The following ALG13 variants were observed in gnomAD, a reference collection of about 807,000 sequenced individuals.
The protein encoded by ALG13 is UDP-N-acetylglucosamine transferase subunit ALG13.
Under a neutral mutation model 87.8 loss-of-function variants are expected in ALG13, and 11 were observed. That is an observed-to-expected ratio of 0.13 (90% CI 0.08 to 0.21). The LOEUF (loss-of-function observed/expected upper bound fraction) is 0.21. Ranked by LOEUF, ALG13 falls within the 10% of genes least tolerant of loss-of-function variation. The pLI, the probability that ALG13 is intolerant of heterozygous loss-of-function variation, is 1.00. For missense variants in ALG13, 756 were observed against 866.1 expected (o/e 0.87, Z 1.60); for synonymous variants, 320 against 306.3 (o/e 1.04, Z -0.47).
At chrX:111,693,262 T>TA (rs1366622357) in intron 3 of ALG13, among the ~76,000 whole-genome samples, 61 of 100,573 alleles carry the variant, frequency 6.1e-4, no homozygotes, top group African/African-American at 2.1e-3. Context: ...TGCTATTTAT[T>TA]TTTTTTTTTT....
chrX:111,733,577 T>A (rs1344853242), intron 21 of ALG13, among the ~76,000 whole-genome samples: 1 of 112,001 alleles, frequency 8.9e-6, no homozygotes, highest in Non-Finnish European at 1.9e-5. Context: ...TTCTTGCGAT[T>A]GCAAACTCTG....
intron 10 of ALG13, among the ~76,000 whole-genome samples, chrX:111,719,150 C>A (rs1226509106): frequency 2.7e-5 from 3 of 109,395 alleles, no homozygotes; most frequent in Non-Finnish European, 5.7e-5. Flanking sequence ...CCTCAGCCTC[C>A]CGAGTAGCTG....
chrX:111,687,098 C>G (rs1935154833), intron 3 of ALG13, among the ~76,000 whole-genome samples: 1 of 111,179 alleles, frequency 9.0e-6, no homozygotes, highest in African/African-American at 3.3e-5. Context: ...GCATGCACCA[C>G]CATGCCTGGC....
chrX:111,760,031 C>G lies in ALG13; in HGVS notation c.*32C>G, dbSNP rs761591043. On this transcript the variant is annotated 3_prime_UTR_variant, in exon 27 of 27. Transcript: ENST00000394780. ...GCAGTATGAAGTATTCTTGCACTGC[C>G]ATTTTCTTGCTGTTTTTGTTTTTAA... 3 of 1,175,208 alleles carry G rather than the reference C, an allele frequency of 2.6e-6. No homozygotes were observed. The highest frequency in any genetic ancestry group is 2.4e-5 in the Admixed American group (1 of 41,182).
Position 111,724,926 on chromosome X carries a change from C to A in ALG13, c.1602-8C>A. 8.3e-7 allele frequency: 1 copy of A among 1,209,096 alleles called. No individual in the cohort carries two copies. On this transcript the variant is annotated splice_polypyrimidine_tract_variant and splice_region_variant and intron_variant, in intron 14 of 26. Transcript: ENST00000394780. Reference sequence around the variant, plus strand: ...AGTATCTTCATGGTGATACCTTTAACTTTTAAGGCATGTTGTTCCACTGGC... The same window carrying A: ...AGTATCTTCATGGTGATACCTTTAAATTTTAAGGCATGTTGTTCCACTGGC...
At chrX:111,686,659 C>T (rs1003517909) in intron 3 of ALG13, among the ~76,000 whole-genome samples, 1 of 111,951 alleles carries the variant, frequency 8.9e-6, no homozygotes, top group Non-Finnish European at 1.9e-5. Flanking sequence ...GAGGAATAAA[C>T]TTATCTTCCT....
intron 14 of ALG13, 46 bp downstream of exon 14, chrX:111,723,944 G>T: frequency 1.2e-6 from 1 of 847,532 alleles, no homozygotes; most frequent in South Asian, 2.6e-5. Context: ...TTTGGTTCCT[G>T]GTTCCATTTC....
At chrX:111,685,608 G>A (rs1934729043) in intron 3 of ALG13, among the ~76,000 whole-genome samples, 1 of 112,206 alleles carries the variant, frequency 8.9e-6, no homozygotes, top group African/African-American at 3.2e-5. Flanking sequence ...TGTTCTTATG[G>A]TGCTTACATT....
intron 11 of ALG13, among the ~76,000 whole-genome samples, chrX:111,720,629 A>G (rs1941285282): frequency 8.9e-6 from 1 of 111,864 alleles, no homozygotes; most frequent in South Asian, 3.7e-4. Flanking sequence ...AAATAAGTCA[A>G]ATACTATTAT....
rs758779872 is a variant in ALG13 at position 111,749,501 on chromosome X, C to CA, written c.2933-3276dup. Among the ~76,000 whole-genome samples the CA allele has an allele frequency of 9.2e-3, 757 of 82,264 alleles. 4 individuals are homozygous for CA. The highest frequency in any genetic ancestry group is 0.026 in the African/African-American group (598 of 22,869). The allele number at this position is 82,264 out of a possible 115,157, so 71.4% of individuals were successfully genotyped here. A position where few individuals can be genotyped will look rare whatever the true frequency, so the allele number is the denominator to read the frequency against. ...TGTCTCTTACACTATCAAATTTTAC[C>CA]AAAAAAAAAAAAACGTCTGGAAATT... On this transcript the variant is annotated intron_variant, in intron 24 of 26. Coordinates refer to ENST00000394780, the MANE Select transcript of ALG13 (RefSeq NM_001099922.3).
intron 5 of ALG13, 79 bp downstream of exon 5, chrX:111,709,127 TTAAAC>T: frequency 1.9e-6 from 1 of 533,123 alleles, no homozygotes; most frequent in Non-Finnish European, 2.9e-6. Context: ...CCTACCAAAA[TTAAAC>T]TATATCATGC....
Position 111,736,741 on chromosome X carries a change from G to A in ALG13, c.2557G>A (p.Ala853Thr). The A allele has an allele frequency of 8.3e-7, 1 of 1,209,896 alleles. No homozygotes were observed. Among genetic ancestry groups the A allele is most frequent in the Non-Finnish European group, 1.1e-6 (1 of 894,578 alleles). ...GATGGGAAATATTGCAGCAGTTGCA[G>A]CTTCCTGTGCCAATAATGTTCCAGC... is the stretch of plus-strand genomic sequence containing the variant. ...KMMGNIAAVA[A>T]SCANNVPAPV... The change falls in exon 23 of 27, where the codon GCT becomes ACT. Residue 853 changes from alanine to threonine, a missense_variant. Around this residue, in one of 9 missense-constraint regions of ALG13, gnomAD observed 362 missense variants for 383.5 expected, o/e 0.94. Transcript: ENST00000394780.
Position 111,727,623 on chromosome X carries a change from A to G in ALG13, c.2100A>G (p.Arg700=), listed in dbSNP as rs1207046331. The change falls in exon 18 of 27, where the codon AGA becomes AGG. Residue 700 remains arginine, a synonymous_variant. Transcript: ENST00000394780. ...DNFSYRSRSF[R]RSHRQMSCVN... ...ATTTGAACCACTTAAGTTCATTTAG[A>G]CGTAGTCACCGCCAGATGAGTTGTG... 1.7e-6 allele frequency: 2 copies of G among 1,204,902 alleles called. No homozygotes were observed. Among genetic ancestry groups the G allele is most frequent in the Non-Finnish European group, 2.2e-6 (2 of 892,853 alleles).
At chrX:111,687,950 G>A (rs768715678) in intron 3 of ALG13, 1 of 1,176,011 alleles carries the variant, frequency 8.5e-7, no homozygotes, top group Non-Finnish European at 1.1e-6. Flanking sequence ...CTCCTGGCCA[G>A]CCAGAAAAAT....
intron 8 of ALG13, among the ~76,000 whole-genome samples, chrX:111,714,092 G>A (rs754226521): frequency 9.0e-6 from 1 of 111,574 alleles, no homozygotes; most frequent in African/African-American, 3.3e-5. Context: ...ATAATCGAGG[G>A]TGAATACCTG....
At chrX:111,755,288 AT>A (rs1945138496) in intron 25 of ALG13, among the ~76,000 whole-genome samples, 1 of 112,383 alleles carries the variant, frequency 8.9e-6, no homozygotes, top group Non-Finnish European at 1.9e-5. Flanking sequence ...CTCAAGATGG[AT>A]TAAAGACTTA....
Position 111,689,457 on chromosome X carries a change from C to T in ALG13, c.383+4354C>T, listed in dbSNP as rs190480604. ...CAGACAACTAAAAGGCTATACAGCC[C>T]CTAAATCCTTTGCTATCTACTTCCC... On this transcript the variant is annotated intron_variant, in intron 3 of 26. Transcript: ENST00000394780. 2.5e-3 allele frequency: 1,902 copies of T among 751,812 alleles called. 1 individual carries two copies. The highest frequency in any genetic ancestry group is 2.9e-3 in the Non-Finnish European group (1,826 of 638,356). 62.0% of individuals were successfully genotyped at this position (751,812 alleles called of 1,213,427 possible).
intron 25 of ALG13, among the ~76,000 whole-genome samples, chrX:111,754,531 A>AT (rs2148488261): frequency 8.9e-6 from 1 of 112,224 alleles, no homozygotes; most frequent in African/African-American, 3.2e-5. Flanking sequence ...TAAAAACCCC[A>AT]TTGTCTCAGC....
At chrX:111,707,932 G>A (rs1602634295) in intron 3 of ALG13, 95 bp from the exon 4 acceptor site, 1 of 942,263 alleles carries the variant, frequency 1.1e-6, no homozygotes. Context: ...TCCCAAGGAG[G>A]TAACTCTAAG....
Sources: allele counts gnomAD v4.1 joint callset (sites outside exome capture counted in the v4.1 genomes callset), GRCh38; gene constraint gnomAD v4.1.1; regional missense constraint gnomAD v4.1.1; transcripts MANE v1.5; gene names NCBI Gene and HGNC (gene_info 2026-07-23, HGNC 2026-07-21).